MCTP1: variants seen among roughly 807,000 people sequenced by gnomAD.
MCTP1 encodes the protein multiple C2 and transmembrane domain-containing protein 1.
In MCTP1, 69 loss-of-function variants were observed where a neutral mutation model predicts 120.6. That is an observed-to-expected ratio of 0.57 (90% CI 0.47 to 0.70). The LOEUF (loss-of-function observed/expected upper bound fraction) is 0.70. Ranked by LOEUF, MCTP1 falls within the 30% of genes least tolerant of loss-of-function variation. MCTP1 has a pLI of 0.00. For synonymous variants in MCTP1, 529 were observed against 493.1 expected, an observed-to-expected ratio of 1.07 and a Z score of -0.96; for missense variants, 1,203 against 1,248.8, an observed-to-expected ratio of 0.96 and a Z score of 0.55.
intron 1 of MCTP1, among the ~76,000 whole-genome samples, chr5:95,277,081 G>T (rs1345174798): frequency 1.3e-5 from 2 of 152,140 alleles, no homozygotes; most frequent in East Asian, 3.9e-4. Context: ...AGACTCAGAG[G>T]CATAGCTAAG....
chr5:95,130,490 G>A (rs543764413), intron 1 of MCTP1, among the ~76,000 whole-genome samples: 2 of 152,334 alleles, frequency 1.3e-5, no homozygotes, highest in South Asian at 2.1e-4. Flanking sequence ...ATAAGATATG[G>A]ATTCCAGACC....
At chr5:95,097,300 A>G (rs903023745) in intron 1 of MCTP1, among the ~76,000 whole-genome samples, 18 of 152,258 alleles carry the variant, frequency 1.2e-4, no homozygotes, top group African/African-American at 4.1e-4. Flanking sequence ...ATGAGGACAG[A>G]GAATAGCTTG....
At chr5:95,133,520 C>T (rs1218197913) in intron 1 of MCTP1, among the ~76,000 whole-genome samples, 3 of 152,016 alleles carry the variant, frequency 2.0e-5, no homozygotes, top group East Asian at 1.9e-4. Flanking sequence ...CCGGGTGTGG[C>T]GGCACATGCC....
rs756665416 is a variant in MCTP1 at position 94,779,166 on chromosome 5, G to T, written c.2557-3C>A. ...TCCTCTAGCATGTCCTCCACTACCT[G>T]CAGAGAGAAACAGAAGTCGTTTTTT... On this transcript the variant is annotated splice_polypyrimidine_tract_variant and splice_region_variant and intron_variant, in intron 18 of 22. Coordinates refer to ENST00000515393, the MANE Select transcript of MCTP1 (RefSeq NM_024717.7). The T allele has an allele frequency of 6.2e-7, 1 of 1,613,166 alleles. No homozygotes were observed. The highest frequency in any genetic ancestry group is 1.1e-5 in the South Asian group (1 of 91,044).
At chr5:95,106,188 C>T (rs114328512) in intron 1 of MCTP1, among the ~76,000 whole-genome samples, 3,592 of 152,286 alleles carry the variant, frequency 0.024, 150 homozygotes, top group African/African-American at 0.083. Context: ...GATGGGCCAT[C>T]GCAGAATACA....
intron 1 of MCTP1, among the ~76,000 whole-genome samples, chr5:95,276,921 C>T (rs1759893982): frequency 6.6e-6 from 1 of 151,994 alleles, no homozygotes; most frequent in Admixed American, 6.6e-5. Context: ...CACTGCACTC[C>T]AGCCTGGGCC....
intron 19 of MCTP1, among the ~76,000 whole-genome samples, chr5:94,724,964 T>TA (rs34442808): frequency 0.42 from 63,598 of 149,838 alleles, 13,956 homozygotes; most frequent in Non-Finnish European, 0.5. Context: ...TCCAGAGATT[T>TA]AAAAAAAAAA....
intron 1 of MCTP1, among the ~76,000 whole-genome samples, chr5:95,201,176 CTCT>C (rs1750968124): frequency 6.6e-6 from 1 of 152,206 alleles, no homozygotes; most frequent in Non-Finnish European, 1.5e-5. Context: ...GAATGCTGCA[CTCT>C]TCTTTGAACT....
At chr5:94,864,776 C>A (rs1796491558) in intron 17 of MCTP1, among the ~76,000 whole-genome samples, 2 of 151,810 alleles carry the variant, frequency 1.3e-5, no homozygotes, top group South Asian at 4.1e-4. Context: ...GAAGTGTGTC[C>A]TTTTACTGAT....
chr5:95,267,875 C>T (rs1365361574), intron 1 of MCTP1, among the ~76,000 whole-genome samples: 2 of 152,236 alleles, frequency 1.3e-5, no homozygotes. Flanking sequence ...CACCAAATCC[C>T]CACTGCCCAG....
intron 17 of MCTP1, among the ~76,000 whole-genome samples, chr5:94,846,633 C>T (rs908653303): frequency 6.6e-6 from 1 of 152,164 alleles, no homozygotes; most frequent in Non-Finnish European, 1.5e-5. Flanking sequence ...AACAAACCTA[C>T]ACGTCACCCT....
In MCTP1 at chr5:94,708,685, G is replaced by T. The variant is rs897774907; in HGVS notation, c.2831-76C>A. On this transcript the variant is annotated intron_variant, in intron 21 of 22. Transcript: ENST00000515393. ...AGTAATTTGAAGATCTAACTTGTATGCCTTGACTCAATGAACCAATACACC... is the reference window on the plus strand; with the variant it reads ...AGTAATTTGAAGATCTAACTTGTATTCCTTGACTCAATGAACCAATACACC... 5 of 891,164 alleles carry T rather than the reference G, an allele frequency of 5.6e-6. No individual in the cohort carries two copies. In the African/African-American group the frequency reaches 6.7e-5, roughly 12 times the overall value. 55.2% of individuals were successfully genotyped at this position (891,164 alleles called of 1,614,324 possible). A position where few individuals can be genotyped will look rare whatever the true frequency, so the allele number is the denominator to read the frequency against.
intron 1 of MCTP1, among the ~76,000 whole-genome samples, chr5:95,096,778 A>T (rs960202917): frequency 6.6e-6 from 1 of 152,236 alleles, no homozygotes. Context: ...GCAGGATTTT[A>T]ACTGAGAAGT....
chr5:94,824,218 C>T (rs774977862), intron 17 of MCTP1, among the ~76,000 whole-genome samples: 1 of 152,138 alleles, frequency 6.6e-6, no homozygotes, highest in Non-Finnish European at 1.5e-5. Context: ...AGATATGTTG[C>T]ATCAATACCA....
At chr5:95,007,759 T>C (rs1442955327) in intron 2 of MCTP1, among the ~76,000 whole-genome samples, 2 of 152,200 alleles carry the variant, frequency 1.3e-5, no homozygotes, top group Non-Finnish European at 2.9e-5. Context: ...GGGGGTAAAC[T>C]TCTAAAACCT....
intron 10 of MCTP1, among the ~76,000 whole-genome samples, chr5:94,908,701 T>TG (rs11461351): frequency 0.18 from 28,017 of 151,792 alleles, 3,415 homozygotes; most frequent in African/African-American, 0.35. Flanking sequence ...CTTAACTTTG[T>TG]GAAAAATGTC....
chr5:95,096,665 A>T (rs890334124), intron 1 of MCTP1, among the ~76,000 whole-genome samples: 1 of 152,202 alleles, frequency 6.6e-6, no homozygotes, highest in African/African-American at 2.4e-5. Flanking sequence ...TTAGAGCACA[A>T]AAGCTTTTAG....
At chr5:94,885,301 G>GAAA (rs1218534202) in intron 12 of MCTP1, among the ~76,000 whole-genome samples, 1 of 116,742 alleles carries the variant, frequency 8.6e-6, no homozygotes, top group African/African-American at 3.1e-5. Context: ...TAGGAGCTCA[G>GAAA]AAAAAAAAAA....
chr5:95,138,237 C>CCCG (rs1554213184), intron 1 of MCTP1, among the ~76,000 whole-genome samples: 2 of 150,318 alleles, frequency 1.3e-5, no homozygotes, highest in Non-Finnish European at 3.0e-5. Context: ...GATGCAACCC[C>CCCG]CCCCCGACAT....
Sources: allele counts gnomAD v4.1 joint callset (sites outside exome capture counted in the v4.1 genomes callset), GRCh38; gene constraint gnomAD v4.1.1; transcripts MANE v1.5; gene names NCBI Gene and HGNC (gene_info 2026-07-23, HGNC 2026-07-21).